Variants in ZRANB1 observed in about 807,000 individuals in gnomAD.
The protein encoded by ZRANB1 is ubiquitin thioesterase ZRANB1.
ZRANB1 carries 16 observed loss-of-function variants against 80.5 expected under a neutral mutation model. That is an observed-to-expected ratio of 0.20 (90% CI 0.13 to 0.30). The LOEUF (loss-of-function observed/expected upper bound fraction) is 0.30. Among genes scored for constraint, ZRANB1 ranks in the 10% least tolerant of loss-of-function variants. The pLI is 1.00. For synonymous variants in ZRANB1, 291 were observed against 293.1 expected (o/e 0.99, Z 0.07); for missense variants, 576 against 862.6 (o/e 0.67, Z 4.16).
intron 1 of ZRANB1, among the ~76,000 whole-genome samples, chr10:124,956,820 C>G (rs1452916114): frequency 6.6e-6 from 1 of 152,164 alleles, no homozygotes; most frequent in Non-Finnish European, 1.5e-5. Flanking sequence ...ATAAAGGTTA[C>G]AAGTGTAATA....
chr10:124,935,792 A>C, the ZRANB1 span, among the ~76,000 whole-genome samples: 1 of 152,164 alleles, frequency 6.6e-6, no homozygotes, highest in Non-Finnish European at 1.5e-5. Flanking sequence ...GTGCTGGTCT[A>C]CCTTCCGTGC....
At chr10:124,918,609 A>G in the ZRANB1 span, among the ~76,000 whole-genome samples, 1 of 152,270 alleles carries the variant, frequency 6.6e-6, no homozygotes, top group Non-Finnish European at 1.5e-5. Flanking sequence ...TTGGTCAAAC[A>G]TGGATGACTC....
chr10:124,923,298 A>G, the ZRANB1 span, among the ~76,000 whole-genome samples: 1 of 151,766 alleles, frequency 6.6e-6, no homozygotes, highest in Admixed American at 6.6e-5. Flanking sequence ...AAACAAAAAA[A>G]ACAAACTAGC....
Position 124,981,869 on chromosome 10 carries a change from T to C in ZRANB1, c.1548+40T>C, listed in dbSNP as rs79138500. On this transcript the variant is annotated intron_variant, in intron 6 of 8. Transcript: ENST00000359653. Reference sequence around the variant, plus strand: ...AGTCTTGTTGCTTCTATGAGAAAAGTAAGCATGTAGTCTAAACTGGTTTAT... The same window carrying C: ...AGTCTTGTTGCTTCTATGAGAAAAGCAAGCATGTAGTCTAAACTGGTTTAT... 3.9e-5 allele frequency: 63 copies of C among 1,610,508 alleles called. No individual in the cohort carries two copies. The African/African-American group carries it at 8.0e-4, about 21-fold the overall frequency.
rs1163796427 is a variant in ZRANB1, at chr10:124,987,916, G to A, written c.*2924G>A. ...CATTAAATCAAGCTCTTAACTCATG[G>A]GACTATTTGCAACACTTCTTTGTAA... On this transcript the variant is annotated 3_prime_UTR_variant, in exon 9 of 9. Transcript: ENST00000359653. 2.0e-5 allele frequency: 3 copies of A among 152,322 alleles called. No homozygotes were observed. The East Asian group carries it at 5.8e-4, about 29-fold the overall frequency. The allele number at this position is 152,322 out of a possible 1,614,324, so 9.4% of individuals were successfully genotyped here.
At chr10:124,953,372 GAC>G (rs1474707928) in intron 1 of ZRANB1, among the ~76,000 whole-genome samples, 1 of 152,194 alleles carries the variant, frequency 6.6e-6, no homozygotes, top group Non-Finnish European at 1.5e-5. Context: ...TCCTTTCCAA[GAC>G]ACAAATGGTA....
chr10:124,919,142 T>G, the ZRANB1 span, among the ~76,000 whole-genome samples: 122 of 152,368 alleles, frequency 8.0e-4, 2 homozygotes, highest in Middle Eastern at 3.4e-3. Flanking sequence ...TTGGAACTCA[T>G]GATCTAGTTG....
At chr10:124,974,518 T>A (rs1035755677) in intron 5 of ZRANB1, 120 bp downstream of exon 5, 3 of 1,039,810 alleles carry the variant, frequency 2.9e-6, no homozygotes, top group Non-Finnish European at 4.2e-6. Context: ...GAAAAACAGT[T>A]CATTTTGGAC....
chr10:124,921,701 T>G, the ZRANB1 span, among the ~76,000 whole-genome samples: 1 of 152,274 alleles, frequency 6.6e-6, no homozygotes, highest in South Asian at 2.1e-4. Context: ...TCATTGAAGT[T>G]AAAATGACTG....
At chr10:124,971,923 T>TA (rs755550735) in intron 2 of ZRANB1, 42 bp from the exon 3 acceptor site, 1 of 1,500,832 alleles carries the variant, frequency 6.7e-7, no homozygotes, top group Non-Finnish European at 8.9e-7. Context: ...TGCTTCCACT[T>TA]ATGATACATG....
At chr10:124,973,837 C>T (rs953953320) in intron 4 of ZRANB1, 121 bp downstream of exon 4, 7 of 853,288 alleles carry the variant, frequency 8.2e-6, no homozygotes, top group Middle Eastern at 2.6e-4. Flanking sequence ...AAATTAAAGA[C>T]GTAAAGTCCT....
the ZRANB1 span, among the ~76,000 whole-genome samples, chr10:124,926,296 T>A: frequency 1.3e-5 from 2 of 152,266 alleles, no homozygotes; most frequent in Admixed American, 1.3e-4. Flanking sequence ...TAGCTTATTG[T>A]AACTTTTTAA....
chr10:124,922,913 A>G, the ZRANB1 span, among the ~76,000 whole-genome samples: 5 of 152,122 alleles, frequency 3.3e-5, no homozygotes, highest in African/African-American at 1.2e-4. Context: ...TCCCAGCTAC[A>G]TGGGAGGCTC....
chr10:124,957,430 A>G (rs1324708802), intron 1 of ZRANB1, among the ~76,000 whole-genome samples: 1 of 152,078 alleles, frequency 6.6e-6, no homozygotes, highest in African/African-American at 2.4e-5. Context: ...AATTTATACC[A>G]TTTTACTCAT....
rs150444111 is a variant in ZRANB1, at chr10:124,971,197, C to G, written c.1003-768C>G. On this transcript the variant is annotated intron_variant, in intron 2 of 8. Coordinates refer to ENST00000359653, the MANE Select transcript of ZRANB1 (RefSeq NM_017580.3). Reference sequence around the variant, plus strand: ...TCTGTGTATGTATTTTTATTTAGCTCCACAAACTAGATATGACTGAAATGT... The same window carrying G: ...TCTGTGTATGTATTTTTATTTAGCTGCACAAACTAGATATGACTGAAATGT... 1.1e-4 allele frequency among the ~76,000 whole-genome samples: 17 copies of G among 152,198 alleles called. No homozygotes were observed. In the East Asian group the frequency reaches 2.9e-3, roughly 26 times the overall value.
chr10:124,972,123 C>G lies in ZRANB1; in HGVS notation c.1156+5C>G. ...TAACATTTACATTGCCAGCAGGTAA[C>G]TCCAAAATCTAACGTAAAAAGACTT... On this transcript the variant is annotated splice_donor_5th_base_variant and intron_variant, in intron 3 of 8. Transcript: ENST00000359653. 1 of 1,606,860 alleles carries G rather than the reference C, an allele frequency of 6.2e-7. No homozygotes were observed. The highest frequency in any genetic ancestry group is 8.5e-7 in the Non-Finnish European group (1 of 1,177,824).
At chr10:124,918,932 G>A in the ZRANB1 span, among the ~76,000 whole-genome samples, 8 of 152,210 alleles carry the variant, frequency 5.3e-5, no homozygotes. Flanking sequence ...TGTCATGAGG[G>A]ATTTTATTTC....
At chr10:124,958,457 A>G (rs1951704165) in intron 1 of ZRANB1, among the ~76,000 whole-genome samples, 1 of 152,264 alleles carries the variant, frequency 6.6e-6, no homozygotes, top group Admixed American at 6.5e-5. Flanking sequence ...TTTCAGAGAT[A>G]AGAAAAGCTA....
the ZRANB1 span, among the ~76,000 whole-genome samples, chr10:124,934,219 C>T: frequency 6.6e-6 from 1 of 152,170 alleles, no homozygotes; most frequent in Admixed American, 6.5e-5. Context: ...GTCACCCTGG[C>T]AGGTGTTATT....
Sources: gnomAD v4.1 joint callset for allele counts (sites outside exome capture counted in the v4.1 genomes callset) on GRCh38, gnomAD v4.1.1 for gene constraint, MANE v1.5 for transcripts, NCBI Gene and HGNC (gene_info 2026-07-23, HGNC 2026-07-21) for gene names.